The following DNASE1L1 variants were observed in gnomAD, a reference collection of about 807,000 sequenced individuals.
DNASE1L1 encodes the protein deoxyribonuclease-1-like 1.
DNASE1L1 carries 8 observed loss-of-function variants against 18.6 expected under a neutral mutation model. The ratio of observed to expected loss-of-function variants is 0.43; its 90% CI spans 0.25 to 0.78. The LOEUF (loss-of-function observed/expected upper bound fraction) is 0.78. DNASE1L1 is among the 30% of genes least tolerant of loss of function. The pLI is 0.23. For missense variants in DNASE1L1, 214 were observed against 258.2 expected, an observed-to-expected ratio of 0.83 and a Z score of 1.17; for synonymous variants, 114 against 114.2, an observed-to-expected ratio of 1.00 and a Z score of 0.01.
In DNASE1L1 at chrX:154,404,910, C is replaced by T; in HGVS notation, c.229G>A (p.Asp77Asn). 1 of 1,210,811 alleles carries T rather than the reference C, an allele frequency of 8.3e-7. No homozygotes were observed. The highest frequency in any genetic ancestry group is 1.8e-5 in the South Asian group (1 of 56,850). Residue 77 changes from aspartate to asparagine, a missense_variant, in exon 4 of 8, where the codon GAT becomes AAT. Transcript: ENST00000369807. ...AGGGTGCTGTAGGGCCCAGAGCCAT[C>T]AAATCTGCCAAGAAAAGGGGAGGCG... ...PLLLRELNRF[D>N]GSGPYSTLSS...
intron 1 of DNASE1L1, 82 bp from the exon 2 acceptor site, chrX:154,405,737 A>G (rs890514262): frequency 2.6e-6 from 1 of 378,639 alleles, no homozygotes. Flanking sequence ...ATACCACTGC[A>G]CTCCAGCCTG....
intron 1 of DNASE1L1, among the ~76,000 whole-genome samples, chrX:154,408,019 G>A (rs1400959203): frequency 2.8e-5 from 3 of 108,417 alleles, no homozygotes; most frequent in Non-Finnish European, 3.8e-5. Flanking sequence ...TGCAACCTCC[G>A]TCTCCCAGGC....
rs1050095 is a variant in DNASE1L1, at chrX:154,405,042, C to T, written c.177G>A (p.Val59=). The change falls in exon 3 of 8, where the codon GTG becomes GTA. Residue 59 remains valine (V), a synonymous_variant. Transcript: ENST00000369807. ...GCGGGATGGCGCTGCCGGAAGAGTCCACCACCTCCTGCAGCACCATGATGT... is the reference window on the plus strand; with the variant it reads ...GCGGGATGGCGCTGCCGGAAGAGTCTACCACCTCCTGCAGCACCATGATGT... The part of the protein sequence containing the change: ...RCDIMVLQEV[V]DSSGSAIPLL... The T allele has an allele frequency of 2.1e-4, 249 of 1,209,846 alleles. No homozygotes were observed. In the African/African-American group the frequency reaches 3.9e-3, roughly 19 times the overall value.
At chrX:154,411,577 C>T (rs1363369926), upstream of DNASE1L1, 3 of 408,337 alleles carry the variant, frequency 7.3e-6, no homozygotes, top group Admixed American at 3.1e-5. Context: ...TGCCAGCGCC[C>T]GCCTTCCCGT....
chrX:154,406,826 C>A (rs911759722), intron 1 of DNASE1L1, among the ~76,000 whole-genome samples: 3 of 109,047 alleles, frequency 2.8e-5, no homozygotes, highest in Non-Finnish European at 5.7e-5. Flanking sequence ...CATCTCTTGA[C>A]CTCGTGATCT....
rs868930453 is a variant in DNASE1L1 at position 154,401,801 on chromosome X, G to A, written c.*906C>T. Reference sequence around the variant, plus strand: ...TTATTTTATTTTGCCAAACATACCTGGGAATACCTTTTATTTTTTTTTTAC... The same window carrying A: ...TTATTTTATTTTGCCAAACATACCTAGGAATACCTTTTATTTTTTTTTTAC... On this transcript the variant is annotated 3_prime_UTR_variant, in exon 8 of 8. Transcript: ENST00000369807. 1 of 103,116 alleles carries A rather than the reference G, an allele frequency of 9.7e-6. No homozygotes were observed. The highest frequency in any genetic ancestry group is 1.9e-5 in the Non-Finnish European group (1 of 53,067). The allele number at this position is 103,116 out of a possible 1,213,427, so 8.5% of individuals were successfully genotyped here. A position where few individuals can be genotyped will look rare whatever the true frequency, so the allele number is the denominator to read the frequency against.
At chrX:154,410,351 G>A (rs1557189730), upstream of DNASE1L1, among the ~76,000 whole-genome samples, 1 of 109,507 alleles carries the variant, frequency 9.1e-6, no homozygotes, top group Non-Finnish European at 1.9e-5. Flanking sequence ...CCGGGAGTTC[G>A]AGACCAGCTT....
intron 4 of DNASE1L1, among the ~76,000 whole-genome samples, chrX:154,404,147 C>CTTTTTTTTTTTTTTTTT (rs35330789): frequency 3.1e-5 from 2 of 65,313 alleles, no homozygotes; most frequent in African/African-American, 1.3e-4. Context: ...TGATGTCATT[C>CTTTTTTTTTTTTTTTTT]TTTTTTTTTT....
chrX:154,412,094 A>G, upstream of DNASE1L1: 1 of 1,210,149 alleles, frequency 8.3e-7, no homozygotes, highest in Non-Finnish European at 1.1e-6. Flanking sequence ...AGAGTACATG[A>G]ACCACCTGAC....
rs1450726285 is a variant in DNASE1L1, at chrX:154,409,140, G to T, written c.-116C>A. The T allele has an allele frequency of 2.9e-6, 1 of 342,014 alleles. No homozygotes were observed. The highest frequency in any genetic ancestry group is 2.6e-5 in the South Asian group (1 of 38,467). The allele number at this position is 342,014 out of a possible 1,213,427, so 28.2% of individuals were successfully genotyped here. A position where few individuals can be genotyped will look rare whatever the true frequency, so the allele number is the denominator to read the frequency against. On this transcript the variant is annotated 5_prime_UTR_variant, in exon 1 of 8. Transcript: ENST00000369807. ...CTCAGACCAGCTTGTCACCAAGTCT[G>T]CCTCATCCTTAAGTGGATCGCGATA...
chrX:154,409,168 C>T lies in DNASE1L1; in HGVS notation c.-144G>A, dbSNP rs1557189189. 2.9e-6 allele frequency: 1 copy of T among 339,049 alleles called. No individual in the cohort carries two copies. The highest frequency in any genetic ancestry group is 5.9e-6 in the Non-Finnish European group (1 of 168,753). The allele number at this position is 339,049 out of a possible 1,213,427, so 27.9% of individuals were successfully genotyped here. On this transcript the variant is annotated 5_prime_UTR_variant, in exon 1 of 8. Transcript: ENST00000369807. ...TCATCCTTAAGTGGATCGCGATACC[C>T]CAGAAGAGCAGCTCCTGCCTGAATA...
In DNASE1L1 at chrX:154,403,531, G is replaced by C; in HGVS notation, c.403C>G (p.Pro135Ala). ...ACCCTTCCCTTCCTACCATTGCTGG[G>C]CAAAGAGAACTGGGCCACAAATGGC... ...REPFVAQFSL[P>A]SNVLPSLVLV... Residue 135 changes from proline to alanine, a missense_variant, in exon 5 of 8, where the codon CCC becomes GCC. By Grantham distance (27) the Pro-to-Ala change is conservative (BLOSUM62 -1). Transcript: ENST00000369807. 1 of 1,211,162 alleles carries C rather than the reference G, an allele frequency of 8.3e-7. No homozygotes were observed. Among genetic ancestry groups the C allele is most frequent in the Non-Finnish European group, 1.1e-6 (1 of 894,756 alleles).
upstream of DNASE1L1, chrX:154,411,676 C>T (rs1557190511): frequency 5.8e-6 from 3 of 517,895 alleles, no homozygotes; most frequent in East Asian, 1.2e-4. Context: ...CTGCTCCGGC[C>T]TGACCTGCGA....
rs1226432988 is a variant in DNASE1L1, at chrX:154,401,662, T to C, written c.*1045A>G. 1 of 111,784 alleles carries C rather than the reference T, an allele frequency of 8.9e-6. No homozygotes were observed. The highest frequency in any genetic ancestry group is 1.9e-5 in the Non-Finnish European group (1 of 53,042). The allele number at this position is 111,784 out of a possible 1,213,427, so 9.2% of individuals were successfully genotyped here. A position where few individuals can be genotyped will look rare whatever the true frequency, so the allele number is the denominator to read the frequency against. On this transcript the variant is annotated 3_prime_UTR_variant, in exon 8 of 8. Coordinates refer to ENST00000369807, the MANE Select transcript of DNASE1L1 (RefSeq NM_001303620.2). ...TATCCAGGGACAGGACTCCAAAGGC[T>C]TTTGGTCCCAGAGCTGGGGTATGTT...
upstream of DNASE1L1, chrX:154,412,024 G>A (rs782205542): frequency 1.3e-5 from 16 of 1,205,150 alleles, no homozygotes; most frequent in South Asian, 1.8e-5. Context: ...TTAGGGTGGG[G>A]GACGCCGCGG....
chrX:154,406,217 G>A (rs782198096), intron 1 of DNASE1L1, among the ~76,000 whole-genome samples: 22 of 109,810 alleles, frequency 2.0e-4, no homozygotes, highest in Non-Finnish European at 3.4e-4. Flanking sequence ...TGATCTGCCC[G>A]CCTCGGCCTC....
upstream of DNASE1L1, among the ~76,000 whole-genome samples, chrX:154,411,055 TTGTATATATTGC>T (rs2068271159): frequency 1.8e-5 from 2 of 112,237 alleles, no homozygotes; most frequent in South Asian, 7.2e-4. Flanking sequence ...CACAATATGT[TTGTATATATTGC>T]TGTATATATT....
Position 154,401,515 on chromosome X carries a change from G to A in DNASE1L1, c.*1192C>T, listed in dbSNP as rs782181908. The A allele has an allele frequency of 1.7e-5, 2 of 119,845 alleles. No individual in the cohort carries two copies. Among genetic ancestry groups the A allele is most frequent in the Non-Finnish European group, 3.5e-5 (2 of 57,478 alleles). 9.9% of individuals were successfully genotyped at this position (119,845 alleles called of 1,213,427 possible). On this transcript the variant is annotated 3_prime_UTR_variant, in exon 8 of 8. Transcript: ENST00000369807. Reference sequence around the variant, plus strand: ...TGTAACAAGACCTCGGAACAGACACGTGTGTGGCATGGTTTGGCCTGGGGA... The same window carrying A: ...TGTAACAAGACCTCGGAACAGACACATGTGTGGCATGGTTTGGCCTGGGGA...
chrX:154,403,659 G>C (rs782359988), intron 4 of DNASE1L1, 37 bp from the exon 5 acceptor site: 1 of 1,163,679 alleles, frequency 8.6e-7, no homozygotes, highest in Non-Finnish European at 1.2e-6. Flanking sequence ...GTGGCCCCAC[G>C]TCTTTGATTT....
Sources: allele counts gnomAD v4.1 joint callset (sites outside exome capture counted in the v4.1 genomes callset), GRCh38; gene constraint gnomAD v4.1.1; transcripts MANE v1.5; gene names NCBI Gene and HGNC (gene_info 2026-07-23, HGNC 2026-07-21).